Variants in PABPC1 observed in about 807,000 individuals in gnomAD.
PABPC1 encodes the protein polyadenylate-binding protein 1.
In PABPC1, 4 loss-of-function variants were observed where a neutral mutation model predicts 74.0. The observed-to-expected ratio is 0.05, with a 90% confidence interval of 0.03 to 0.12. PABPC1 has a LOEUF of 0.12. Ranked by LOEUF, PABPC1 falls within the 10% of genes least tolerant of loss-of-function variation. The pLI is 1.00. For synonymous variants in PABPC1, 227 were observed against 264.1 expected, an observed-to-expected ratio of 0.86 and a Z score of 1.36; for missense variants, 271 against 821.1, an observed-to-expected ratio of 0.33 and a Z score of 8.19.
chr8:100,704,095 G>A (rs1465023914), intron 14 of PABPC1: 3 of 476,272 alleles, frequency 6.3e-6, no homozygotes, highest in Non-Finnish European at 1.1e-5. Flanking sequence ...AAAGTCCTGG[G>A]ATTTTAAAAA....
chr8:100,703,937 C>G (rs978527927), intron 14 of PABPC1, among the ~76,000 whole-genome samples: 1 of 151,768 alleles, frequency 6.6e-6, no homozygotes, highest in Admixed American at 6.6e-5. Flanking sequence ...GCCTGTTAAT[C>G]CCAGCTGCTC....
At chr8:100,712,931 T>C (rs1810568086) in intron 5 of PABPC1, 142 bp from the exon 6 acceptor site, 3 of 1,131,382 alleles carry the variant, frequency 2.7e-6, no homozygotes, top group Non-Finnish European at 3.7e-6. Context: ...TGGGACAATA[T>C]AGGTTACCAA....
chr8:100,721,689 A>C lies in PABPC1; in HGVS notation c.-106T>G. 2.1e-6 allele frequency: 2 copies of C among 974,500 alleles called. No individual in the cohort carries two copies. Among genetic ancestry groups the C allele is most frequent in the Non-Finnish European group, 2.9e-6 (2 of 697,184 alleles). The allele number at this position is 974,500 out of a possible 1,614,324, so 60.4% of individuals were successfully genotyped here. A position where few individuals can be genotyped will look rare whatever the true frequency, so the allele number is the denominator to read the frequency against. On this transcript the variant is annotated 5_prime_UTR_variant, in exon 1 of 15. Coordinates refer to ENST00000318607, the MANE Select transcript of PABPC1 (RefSeq NM_002568.4). The surrounding 1 kb of genome is among the most constrained non-coding windows in gnomAD (Gnocchi z 7.4). ...AGCCGGGGGGAGGGGAGCGGGGAGC[A>C]AGCGCAGAGGGACAAAAATCAACCG...
At chr8:100,713,289 T>A (rs1037573097) in intron 4 of PABPC1, 108 bp from the exon 5 acceptor site, 4 of 576,728 alleles carry the variant, frequency 6.9e-6, no homozygotes, top group Non-Finnish European at 1.2e-5. Context: ...GCTCCGTAAC[T>A]TGACTCCTCC....
Position 100,715,490 on chromosome 8 carries a change from C to G in PABPC1, c.615G>C (p.Glu205Asp), listed in dbSNP as rs1190442873. The change falls in exon 4 of 15, where the codon GAG becomes GAC. Residue 205 changes from glutamate to aspartate, a missense_variant. By Grantham distance (45) the Glu-to-Asp change is conservative. Around this residue, in one of 7 missense-constraint regions of PABPC1, gnomAD observed 78 missense variants for 202.8 expected, o/e 0.38. Transcript: ENST00000318607. ...IKNFGEDMDD[E>D]RLKDLFGKFG... ...ACTTGCCAAAGAGATCCTTAAGGCGCTCATCATCCATGTCTTCTCCAAAAT... is the reference window on the plus strand; with the variant it reads ...ACTTGCCAAAGAGATCCTTAAGGCGGTCATCATCCATGTCTTCTCCAAAAT... The G allele has an allele frequency of 6.2e-7, 1 of 1,612,164 alleles. No homozygotes were observed. The highest frequency in any genetic ancestry group is 1.3e-5 in the African/African-American group (1 of 74,876).
At position 100,721,692 on chromosome 8, in the gene PABPC1, C is replaced by T; in HGVS notation, c.-109G>A. 3 of 923,616 alleles carry T rather than the reference C, an allele frequency of 3.2e-6. No homozygotes were observed. The highest frequency in any genetic ancestry group is 3.1e-6 in the Non-Finnish European group (2 of 653,964). 57.2% of individuals were successfully genotyped at this position (923,616 alleles called of 1,614,324 possible). A position where few individuals can be genotyped will look rare whatever the true frequency, so the allele number is the denominator to read the frequency against. On this transcript the variant is annotated 5_prime_UTR_variant, in exon 1 of 15. Coordinates refer to ENST00000318607, the MANE Select transcript of PABPC1 (RefSeq NM_002568.4). This position sits in a 1 kb window ranked among gnomAD's most constrained non-coding sequence, Gnocchi z 7.4. ...CGGGGGGAGGGGAGCGGGGAGCAAG[C>T]GCAGAGGGACAAAAATCAACCGGAA...
At position 100,717,905 on chromosome 8, in the gene PABPC1, A is replaced by T. The variant is rs1554596749; in HGVS notation, c.388-17T>A. ...ACAAACCACCTAGGGAAAAACATAT[A>T]CCCATTTTTCTTTATTTGCTATTGA... On this transcript the variant is annotated splice_polypyrimidine_tract_variant and intron_variant, in intron 2 of 14. Transcript: ENST00000318607. The T allele has an allele frequency of 6.9e-7, 1 of 1,457,816 alleles. No individual in the cohort carries two copies. Among genetic ancestry groups the T allele is most frequent in the Middle Eastern group, 1.8e-4 (1 of 5,708 alleles). The allele number at this position is 1,457,816 out of a possible 1,614,324, so 90.3% of individuals were successfully genotyped here. A position where few individuals can be genotyped will look rare whatever the true frequency, so the allele number is the denominator to read the frequency against.
chr8:100,705,131 T>G, intron 12 of PABPC1, 75 bp from the exon 13 acceptor site: 1 of 1,245,814 alleles, frequency 8.0e-7, no homozygotes, highest in Non-Finnish European at 1.1e-6. Context: ...CACATTAAAC[T>G]GGGGTTTAAG....
chr8:100,712,810 A>G (rs1413366183), intron 5 of PABPC1, 21 bp from the exon 6 acceptor site: 3 of 1,540,092 alleles, frequency 1.9e-6, no homozygotes, highest in South Asian at 1.2e-5. Context: ...AAAAAAAAGA[A>G]AAAAAAAAAA....
intron 1 of PABPC1, among the ~76,000 whole-genome samples, chr8:100,718,914 G>C (rs1810741223): frequency 6.6e-6 from 1 of 151,104 alleles, no homozygotes; most frequent in Non-Finnish European, 1.5e-5. Context: ...AAGCTAATGT[G>C]AAGTTAGACA....
intron 1 of PABPC1, among the ~76,000 whole-genome samples, chr8:100,719,916 C>T (rs1404949108): frequency 1.3e-5 from 2 of 152,234 alleles, no homozygotes; most frequent in African/African-American, 4.8e-5. Context: ...TTTGGAGTTA[C>T]TGCTTACAGA....
intron 1 of PABPC1, among the ~76,000 whole-genome samples, chr8:100,720,079 C>T (rs879468530): frequency 1.3e-5 from 2 of 152,162 alleles, no homozygotes; most frequent in African/African-American, 4.8e-5. Flanking sequence ...AGCTTAAATT[C>T]CACCCTTAAG....
At chr8:100,712,598 TAA>T in intron 6 of PABPC1, 52 bp downstream of exon 6, 1 of 1,574,092 alleles carries the variant, frequency 6.4e-7, no homozygotes, top group Non-Finnish European at 8.6e-7. Context: ...GAAATCAACG[TAA>T]AATAGGTTTC....
At chr8:100,718,318 A>G in intron 1 of PABPC1, 38 bp from the exon 2 acceptor site, 1 of 1,560,924 alleles carries the variant, frequency 6.4e-7, no homozygotes, top group Non-Finnish European at 8.7e-7. Context: ...TATTACTTCA[A>G]AATTTTTGCT....
At chr8:100,720,911 C>G (rs1402011572) in intron 1 of PABPC1, among the ~76,000 whole-genome samples, 3 of 152,192 alleles carry the variant, frequency 2.0e-5, no homozygotes, top group Admixed American at 2.0e-4. Context: ...AAGCAGGCCT[C>G]GGGCCTGCGA....
At chr8:100,719,492 A>G (rs1360665205) in intron 1 of PABPC1, among the ~76,000 whole-genome samples, 1 of 152,064 alleles carries the variant, frequency 6.6e-6, no homozygotes, top group Non-Finnish European at 1.5e-5. Context: ...TCTGCCTATC[A>G]ATGTAGCAAT....
intron 14 of PABPC1, among the ~76,000 whole-genome samples, chr8:100,703,903 A>G (rs1810311005): frequency 6.6e-6 from 1 of 152,128 alleles, no homozygotes; most frequent in Non-Finnish European, 1.5e-5. Context: ...TACAAAAATT[A>G]GCTGGGCACG....
At chr8:100,704,439 A>G in intron 13 of PABPC1, 49 bp from the exon 14 acceptor site, 1 of 1,432,676 alleles carries the variant, frequency 7.0e-7, no homozygotes, top group Non-Finnish European at 9.8e-7. Flanking sequence ...GAATGGAAAT[A>G]AAGAGTTTCA....
At chr8:100,703,702 A>G (rs527700854) in intron 14 of PABPC1, among the ~76,000 whole-genome samples, 1 of 152,322 alleles carries the variant, frequency 6.6e-6, no homozygotes, top group African/African-American at 2.4e-5. Flanking sequence ...CCCAAAAAGG[A>G]AAGGTAAAAC....
Sources: gnomAD v4.1 joint callset for allele counts (sites outside exome capture counted in the v4.1 genomes callset) on GRCh38, gnomAD v4.1.1 for gene constraint, gnomAD v4.1.1 regional missense constraint, Gnocchi (gnomAD v3.1) non-coding constraint, MANE v1.5 for transcripts, NCBI Gene and HGNC (gene_info 2026-07-23, HGNC 2026-07-21) for gene names.